Variants in PINK1 observed in about 807,000 individuals in gnomAD.
PINK1 encodes the protein PTEN induced kinase 1.
A neutral mutation model predicts 56.0 loss-of-function variants in PINK1; 58 were observed. The ratio of observed to expected loss-of-function variants is 1.04; its 90% CI spans 0.84 to 1.29. The LOEUF is 1.29. Ranked by LOEUF, PINK1 falls within the 50% of genes most tolerant of loss-of-function variation. The pLI is 0.00. For missense variants in PINK1, 745 were observed against 777.9 expected (o/e 0.96, Z 0.50); for synonymous variants, 354 against 339.3 (o/e 1.04, Z -0.48).
intron 5 of PINK1, among the ~76,000 whole-genome samples, chr1:20,646,140 A>G (rs1050742245): frequency 2.0e-5 from 3 of 152,020 alleles, no homozygotes; most frequent in African/African-American, 7.3e-5. Context: ...TTAGCCGGAA[A>G]AAAAGTTAGC....
rs759723977 is a variant in PINK1, at chr1:20,633,819, G to A, written c.271G>A (p.Gly91Ser). ...GCGGCAGTTCGTGGTGCGGGCCTGG[G>A]GCTGCGCGGGCCCTTGCGGCCGGGC... ...LQRQFVVRAW[G>S]CAGPCGRAVF... Residue 91 changes from glycine (G) to serine (S), a missense_variant, in exon 1 of 8, where the codon GGC becomes AGC. Physicochemically the swap from Gly to Ser is moderately conservative, Grantham distance 56. Coordinates refer to ENST00000321556, the MANE Select transcript of PINK1 (RefSeq NM_032409.3). 2 of 1,577,586 alleles carry A rather than the reference G, an allele frequency of 1.3e-6. No homozygotes were observed. Among genetic ancestry groups the A allele is most frequent in the Non-Finnish European group, 1.7e-6 (2 of 1,165,666 alleles).
chr1:20,648,933 G>C (rs2053227441), intron 6 of PINK1, 62 bp from the exon 7 acceptor site: 1 of 1,533,374 alleles, frequency 6.5e-7, no homozygotes, highest in Middle Eastern at 2.3e-4. Flanking sequence ...CAGGTGATGT[G>C]CAGGACATGA....
rs1381866530 is a variant in PINK1 at position 20,641,039 on chromosome 1, C to T, written c.776+1047C>T. ...GCGACCCTGGAGTGAGACCCTGTCT[C>T]TCATTTGTAGACCCACCAAGAAGAG... On this transcript the variant is annotated intron_variant, in intron 3 of 7. Transcript: ENST00000321556. This position sits in a 1 kb window ranked among gnomAD's most constrained non-coding sequence, Gnocchi z 4.0. Among the ~76,000 whole-genome samples the T allele has an allele frequency of 6.6e-6, 1 of 152,034 alleles. No individual in the cohort carries two copies.
chr1:20,645,173 G>A (rs576383874), intron 4 of PINK1, among the ~76,000 whole-genome samples: 3 of 152,266 alleles, frequency 2.0e-5, no homozygotes, highest in South Asian at 2.1e-4. Flanking sequence ...GAAGAGGAAC[G>A]GCCTAACCCT....
intron 6 of PINK1, 35 bp downstream of exon 6, chr1:20,648,667 C>T (rs2053218696): frequency 3.1e-6 from 5 of 1,610,832 alleles, no homozygotes; most frequent in Non-Finnish European, 4.2e-6. Context: ...CATCGGCAGC[C>T]CTTCCCCCAC....
At chr1:20,636,719 C>A (rs534297952) in intron 1 of PINK1, among the ~76,000 whole-genome samples, 2 of 152,266 alleles carry the variant, frequency 1.3e-5, no homozygotes, top group South Asian at 4.2e-4. Context: ...GCTTTAGGAA[C>A]CCTCTAGAAG....
intron 3 of PINK1, among the ~76,000 whole-genome samples, chr1:20,640,433 C>G (rs1278338763): frequency 6.6e-6 from 1 of 152,092 alleles, no homozygotes; most frequent in Non-Finnish European, 1.5e-5. Context: ...GCCCAGAGGT[C>G]TCAGTGTGGC....
Position 20,633,559 on chromosome 1 carries a change from G to A in PINK1, c.11G>A (p.Arg4Gln). The change falls in exon 1 of 8, where the codon CGA (arginine) becomes CAA (glutamine). Residue 4 changes from arginine (R) to glutamine (Q), a missense_variant. Transcript: ENST00000321556. The part of the protein sequence containing the change: MAV[R>Q]QALGRGLQLG... ...GGCCGCGGCGCCACCATGGCGGTGC[G>A]ACAGGCGCTGGGCCGCGGCCTGCAG... The A allele has an allele frequency of 1.7e-6, 2 of 1,181,030 alleles. No homozygotes were observed. Among genetic ancestry groups the A allele is most frequent in the South Asian group, 4.2e-5 (1 of 23,880 alleles). The allele number at this position is 1,181,030 out of a possible 1,614,324, so 73.2% of individuals were successfully genotyped here. A position where few individuals can be genotyped will look rare whatever the true frequency, so the allele number is the denominator to read the frequency against.
At chr1:20,646,827 AAAT>A (rs1376820888) in intron 5 of PINK1, among the ~76,000 whole-genome samples, 1 of 151,616 alleles carries the variant, frequency 6.6e-6, no homozygotes, top group African/African-American at 2.4e-5. Flanking sequence ...AGAAGATTTA[AAAT>A]AATTGACTAG....
intron 5 of PINK1, among the ~76,000 whole-genome samples, chr1:20,648,113 C>A (rs375958461): frequency 1.3e-5 from 2 of 152,194 alleles, no homozygotes; most frequent in East Asian, 3.9e-4. Context: ...CCGGCAATAA[C>A]TGATTCTTAA....
At chr1:20,647,441 G>A (rs1411930938) in intron 5 of PINK1, among the ~76,000 whole-genome samples, 1 of 143,782 alleles carries the variant, frequency 7.0e-6, no homozygotes, top group Non-Finnish European at 1.5e-5. Flanking sequence ...ACAGGTATGA[G>A]CCACCACGCC....
intron 3 of PINK1, among the ~76,000 whole-genome samples, chr1:20,643,686 T>C (rs1178449851): frequency 1.3e-5 from 2 of 152,206 alleles, no homozygotes; most frequent in African/African-American, 4.8e-5. Flanking sequence ...GAATGAATAA[T>C]AGTACAGCTA....
In PINK1 at chr1:20,651,106, C is replaced by G. The variant is rs8064; in HGVS notation, c.*415C>G. 42,629 of 267,966 alleles carry G rather than the reference C, an allele frequency of 0.16. 4,078 individuals are homozygous for G. Among genetic ancestry groups the G allele is most frequent in the Middle Eastern group, 0.21 (151 of 728 alleles). 16.6% of individuals were successfully genotyped at this position (267,966 alleles called of 1,614,324 possible). A position where few individuals can be genotyped will look rare whatever the true frequency, so the allele number is the denominator to read the frequency against. The stretch of plus-strand genomic sequence containing the variant: ...AGACATCAACATGGGTCAGCACGTT[C>G]AGTTACGGGAGTGGGAAATTACATG... On this transcript the variant is annotated 3_prime_UTR_variant, in exon 8 of 8. Transcript: ENST00000321556.
In PINK1 at chr1:20,633,935, G is replaced by C; in HGVS notation, c.387G>C (p.Gln129His). 1.3e-6 allele frequency: 2 copies of C among 1,584,738 alleles called. No homozygotes were observed. Among genetic ancestry groups the C allele is most frequent in the Non-Finnish European group, 1.7e-6 (2 of 1,168,858 alleles). Residue 129 changes from glutamine to histidine, a missense_variant and splice_region_variant, in exon 1 of 8, where the codon CAG (glutamine) becomes CAC (histidine). Transcript: ENST00000321556. Reference sequence around the variant, plus strand: ...CGGTCTCGGCCTGTCAGGAGATCCAGGTGAGCGGGGCCGGGTCCTAAGCCG... The same window carrying C: ...CGGTCTCGGCCTGTCAGGAGATCCACGTGAGCGGGGCCGGGTCCTAAGCCG... ...RRAVSACQEI[Q>H]AIFTQKSKPG...
At chr1:20,639,836 G>T in intron 2 of PINK1, 56 bp from the exon 3 acceptor site, 1 of 1,523,514 alleles carries the variant, frequency 6.6e-7, no homozygotes, top group South Asian at 1.2e-5. Flanking sequence ...GGCTTACAAG[G>T]AACTTACCAT....
chr1:20,649,357 G>GT (rs1311083348), intron 7 of PINK1, 126 bp downstream of exon 7: 1 of 1,010,306 alleles, frequency 9.9e-7, no homozygotes, highest in African/African-American at 1.6e-5. Flanking sequence ...GTAAAGGCTA[G>GT]TTACAAGAGA....
chr1:20,648,301 C>T (rs2053212859), intron 5 of PINK1: 1 of 653,464 alleles, frequency 1.5e-6, no homozygotes. Flanking sequence ...GGGGATTTTG[C>T]AGCCTGTACT....
chr1:20,634,464 C>G (rs774781588), intron 1 of PINK1, among the ~76,000 whole-genome samples: 4 of 152,222 alleles, frequency 2.6e-5, no homozygotes, highest in Non-Finnish European at 4.4e-5. Context: ...ATTTTAGTTA[C>G]CTGTGTAGAG....
chr1:20,638,328 C>G (rs369714870), intron 2 of PINK1, 199 bp downstream of exon 2: 1 of 663,734 alleles, frequency 1.5e-6, no homozygotes, highest in African/African-American at 1.8e-5. Context: ...GCCCACAGAT[C>G]ACCCAGAGAT....
Sources: allele counts gnomAD v4.1 joint callset (sites outside exome capture counted in the v4.1 genomes callset), GRCh38; gene constraint gnomAD v4.1.1; non-coding constraint Gnocchi (gnomAD v3.1); transcripts MANE v1.5; gene names NCBI Gene and HGNC (gene_info 2026-07-23, HGNC 2026-07-21).